Variants in EYS observed in about 807,000 individuals in gnomAD.
The protein encoded by EYS is EGF-like photoreceptor maintenance factor, also known as protein eyes shut homolog.
A neutral mutation model predicts 282.1 loss-of-function variants in EYS; 250 were observed. The ratio of observed to expected loss-of-function variants is 0.89; its 90% confidence interval spans 0.80 to 0.98. The LOEUF (loss-of-function observed/expected upper bound fraction) is 0.98, where lower values mean the gene tolerates loss of function less well. EYS is among the 50% of genes least tolerant of loss of function. The probability of loss-of-function intolerance (pLI) is 0.00; values close to 1 mark genes in which losing one functional copy is unlikely to be tolerated. For synonymous variants in EYS, 1,355 were observed against 1,282.9 expected, an observed-to-expected ratio of 1.06 and a Z score of -1.20; for missense variants, 4,016 against 3,709.0, an observed-to-expected ratio of 1.08 and a Z score of -2.15.
intron 33 of EYS, among the ~76,000 whole-genome samples, chr6:64,045,397 A>ATTTTC (rs1324997070): frequency 6.2e-5 from 9 of 144,646 alleles, no homozygotes; most frequent in Admixed American, 5.5e-4. Context: ...ATTTTATTTT[A>ATTTTC]TTTTATTTTA....
chr6:65,163,277 G>T (rs1437862746), intron 12 of EYS, among the ~76,000 whole-genome samples: 1 of 151,122 alleles, frequency 6.6e-6, no homozygotes, highest in Non-Finnish European at 1.5e-5. Context: ...TGAAAACACA[G>T]TTCGTAAGGT....
chr6:63,973,374 A>T (rs1459991488), intron 35 of EYS, among the ~76,000 whole-genome samples: 2 of 152,072 alleles, frequency 1.3e-5, no homozygotes, highest in Non-Finnish European at 2.9e-5. Context: ...AGAATCTACA[A>T]GGAACTTAAA....
intron 28 of EYS, among the ~76,000 whole-genome samples, chr6:64,392,496 T>C (rs1248923870): frequency 3.3e-5 from 5 of 151,560 alleles, no homozygotes; most frequent in Non-Finnish European, 5.9e-5. Context: ...CTCAACTACA[T>C]GGAAACTGAA....
intron 22 of EYS, among the ~76,000 whole-genome samples, chr6:64,806,740 G>A (rs991101329): frequency 2.0e-5 from 3 of 151,906 alleles, no homozygotes; most frequent in Non-Finnish European, 4.4e-5. Flanking sequence ...AAGATTAAAG[G>A]GAAATTTGGA....
intron 5 of EYS, among the ~76,000 whole-genome samples, chr6:65,431,472 A>T (rs912405961): frequency 6.6e-6 from 1 of 152,062 alleles, no homozygotes; most frequent in African/African-American, 2.4e-5. Flanking sequence ...TAATATGTAT[A>T]TAATATTTAT....
intron 22 of EYS, among the ~76,000 whole-genome samples, chr6:64,704,879 C>T (rs186528799): frequency 7.2e-4 from 109 of 152,016 alleles, no homozygotes; most frequent in African/African-American, 2.5e-3. Context: ...TAGTACTGAA[C>T]GGGGAAAAGT....
At chr6:65,557,909 G>A (rs1330214445) in intron 2 of EYS, among the ~76,000 whole-genome samples, 1 of 152,156 alleles carries the variant, frequency 6.6e-6, no homozygotes, top group Non-Finnish European at 1.5e-5. Flanking sequence ...ATCAGGAAGA[G>A]TGTCTGAATC....
chr6:63,907,529 T>C (rs1421696549), intron 35 of EYS, among the ~76,000 whole-genome samples: 1 of 152,234 alleles, frequency 6.6e-6, no homozygotes, highest in Non-Finnish European at 1.5e-5. Context: ...TAAGAACCCA[T>C]AGATATAGCC....
intron 11 of EYS, 26 bp from the exon 12 acceptor site, chr6:65,296,145 C>T: frequency 6.5e-7 from 1 of 1,528,348 alleles, no homozygotes; most frequent in Non-Finnish European, 8.8e-7. Flanking sequence ...ATGAAAAACC[C>T]AATTAGTCAT....
chr6:64,399,227 T>G (rs1239435437), intron 28 of EYS, among the ~76,000 whole-genome samples: 3 of 151,722 alleles, frequency 2.0e-5, no homozygotes, highest in African/African-American at 7.2e-5. Flanking sequence ...ATATATGAAC[T>G]CTATGTTTTC....
chr6:64,039,001 C>T (rs533519410), intron 33 of EYS, among the ~76,000 whole-genome samples: 10 of 152,204 alleles, frequency 6.6e-5, no homozygotes, highest in African/African-American at 1.4e-4. Flanking sequence ...GACAGGGTTT[C>T]GCCACATTGG....
In EYS at chr6:64,837,667, G is replaced by T. The variant is rs1311513462; in HGVS notation, c.2993-14845C>A. 1.0e-4 allele frequency among the ~76,000 whole-genome samples: 11 copies of T among 109,400 alleles called. No homozygotes were observed. The Admixed American group carries it at 1.2e-3, about 12-fold the overall frequency. The allele number at this position is 109,400 out of a possible 152,430, so 71.8% of individuals were successfully genotyped here. A position where few individuals can be genotyped will look rare whatever the true frequency, so the allele number is the denominator to read the frequency against. On this transcript the variant is annotated intron_variant, in intron 19 of 42. Coordinates refer to ENST00000503581, the MANE Select transcript of EYS (RefSeq NM_001142800.2). ...TATATATGATATATGATATGTATAT[G>T]ATATATATATATATAGGATATATAT...
At chr6:64,460,127 T>C (rs1775695193) in intron 26 of EYS, among the ~76,000 whole-genome samples, 2 of 152,178 alleles carry the variant, frequency 1.3e-5, no homozygotes, top group African/African-American at 4.8e-5. Flanking sequence ...AATTAGAAGA[T>C]TGGTGATGAC....
chr6:65,329,199 G>A (rs1187618638), intron 11 of EYS: 5 of 267,296 alleles, frequency 1.9e-5, no homozygotes, highest in Non-Finnish European at 2.9e-5. Flanking sequence ...TATAACGTAT[G>A]TATTTGGGAA....
chr6:64,675,428 C>CTTTTTTTTTTTTTT lies in EYS; in HGVS notation c.3444-49197_3444-49184dup, dbSNP rs56346431. Among the ~76,000 whole-genome samples the CTTTTTTTTTTTTTT allele has an allele frequency of 3.4e-3, 385 of 114,588 alleles. 1 individual carries two copies. Among genetic ancestry groups the CTTTTTTTTTTTTTT allele is most frequent in the Non-Finnish European group, 4.4e-3 (265 of 60,044 alleles). The allele number at this position is 114,588 out of a possible 152,430, so 75.2% of individuals were successfully genotyped here. A position where few individuals can be genotyped will look rare whatever the true frequency, so the allele number is the denominator to read the frequency against. On this transcript the variant is annotated intron_variant, in intron 22 of 42. Transcript: ENST00000503581. ...GTTTTTCCTGTTTCTCTTTTTTTTTCTTTTTTTTTTTTTTTTTGAGATGGA... is the reference window on the plus strand; with the variant it reads ...GTTTTTCCTGTTTCTCTTTTTTTTTCTTTTTTTTTTTTTTTTTTTTTTTTTTTTTTTGAGATGGA...
At chr6:64,815,301 A>G (rs1033265038) in intron 21 of EYS, 7 of 371,116 alleles carry the variant, frequency 1.9e-5, no homozygotes, top group South Asian at 3.9e-5. Context: ...TTTATGGAAT[A>G]GAAATGCAGA....
intron 12 of EYS, among the ~76,000 whole-genome samples, chr6:65,267,748 T>C (rs193073480): frequency 1.8e-4 from 27 of 151,958 alleles, no homozygotes; most frequent in Non-Finnish European, 3.4e-4. Context: ...AGAATCAAAA[T>C]ACCAAAACTT....
intron 22 of EYS, among the ~76,000 whole-genome samples, chr6:64,739,956 G>A (rs1213169164): frequency 3.3e-5 from 5 of 151,926 alleles, no homozygotes; most frequent in African/African-American, 9.7e-5. Context: ...TTAGGCTAAG[G>A]TGTTAATAAT....
chr6:65,626,043 TA>T (rs1766677242), intron 2 of EYS, among the ~76,000 whole-genome samples: 1 of 152,174 alleles, frequency 6.6e-6, no homozygotes, highest in Non-Finnish European at 1.5e-5. Context: ...AGCTTCCAGG[TA>T]GCAATCATGA....
Sources: gnomAD v4.1 joint callset for allele counts (sites outside exome capture counted in the v4.1 genomes callset) on GRCh38, gnomAD v4.1.1 for gene constraint, MANE v1.5 for transcripts, NCBI Gene and HGNC (gene_info 2026-07-23, HGNC 2026-07-21) for gene names.